The following SHMT1 variants were observed in gnomAD, a reference collection of about 807,000 sequenced individuals.
The protein encoded by SHMT1 is serine hydroxymethyltransferase 1.
Under a neutral mutation model 49.0 loss-of-function variants are expected in SHMT1, and 45 were observed. The observed-to-expected ratio is 0.92, with a 90% CI of 0.72 to 1.18. SHMT1 has a LOEUF of 1.18. SHMT1 is among the 50% of genes most tolerant of loss of function. The pLI is 0.00. For missense variants in SHMT1, 541 were observed against 612.4 expected (o/e 0.88, Z 1.23); for synonymous variants, 232 against 246.6 (o/e 0.94, Z 0.55).
intron 10 of SHMT1, among the ~76,000 whole-genome samples, chr17:18,330,167 A>G (rs1420346226): frequency 7.2e-6 from 1 of 139,454 alleles, no homozygotes. Context: ...ACAGAGTCTC[A>G]TTCTGTTGCT....
chr17:18,345,010 C>G (rs925025925), intron 5 of SHMT1, among the ~76,000 whole-genome samples: 2 of 152,146 alleles, frequency 1.3e-5, no homozygotes, highest in African/African-American at 4.8e-5. Flanking sequence ...TGGAGGTGAG[C>G]TGCCTCTGGC....
Position 18,328,557 on chromosome 17 carries a change from A to C in SHMT1, c.*193T>G. 1.6e-6 allele frequency: 1 copy of C among 611,272 alleles called. No homozygotes were observed. Among genetic ancestry groups the C allele is most frequent in the Admixed American group, 3.0e-5 (1 of 33,858 alleles). 37.9% of individuals were successfully genotyped at this position (611,272 alleles called of 1,614,324 possible). A position where few individuals can be genotyped will look rare whatever the true frequency, so the allele number is the denominator to read the frequency against. ...TAAATCCTTTAATAACCTGTCCCAGAATTACTAACAATGAGACTTAAACAA... is the reference window on the plus strand; with the variant it reads ...TAAATCCTTTAATAACCTGTCCCAGCATTACTAACAATGAGACTTAAACAA... On this transcript the variant is annotated 3_prime_UTR_variant, in exon 12 of 12. Transcript: ENST00000316694.
chr17:18,334,400 CT>C (rs993596428), intron 8 of SHMT1, among the ~76,000 whole-genome samples: 35 of 152,326 alleles, frequency 2.3e-4, no homozygotes, highest in African/African-American at 8.4e-4. Context: ...ATATGCTTCT[CT>C]CTGAGGAACT....
chr17:18,334,085 C>T (rs561137487), intron 8 of SHMT1, among the ~76,000 whole-genome samples: 5 of 152,256 alleles, frequency 3.3e-5, no homozygotes, highest in South Asian at 2.1e-4. Context: ...ACTACAGGCA[C>T]GTGCCACCAC....
chr17:18,352,125 G>A (rs1985772614), intron 3 of SHMT1, among the ~76,000 whole-genome samples: 2 of 149,798 alleles, frequency 1.3e-5, no homozygotes, highest in African/African-American at 2.5e-5. Flanking sequence ...GATTACAGGG[G>A]TGAGCCACTA....
At position 18,329,256 on chromosome 17, in the gene SHMT1, A is replaced by C. The variant is rs756326883; in HGVS notation, c.1282+22T>G. 3 of 1,538,176 alleles carry C rather than the reference A, an allele frequency of 2.0e-6. No individual in the cohort carries two copies. The South Asian group carries it at 3.4e-5, about 17-fold the overall frequency. The stretch of plus-strand genomic sequence containing the variant: ...TAAATACACACAATAAGATGTGGCA[A>C]CTTCCAAACTTTTATCCTTACCTCT... On this transcript the variant is annotated intron_variant, in intron 11 of 11. Transcript: ENST00000316694.
chr17:18,347,568 C>G lies in SHMT1; in HGVS notation c.447G>C (p.Leu149=), dbSNP rs1985217782. ...MGLDLPDGGH[L]THGFMTDKKK... ...TCTTGTCTGTCATGAACCCATGGGT[C>G]AGGTGGCCCCCATCCGGAAGGTCCA... is the stretch of plus-strand genomic sequence containing the variant. Residue 149 remains leucine (L), a synonymous_variant, in exon 5 of 12, where the codon CTG becomes CTC. Transcript: ENST00000316694. The G allele has an allele frequency of 6.2e-7, 1 of 1,614,056 alleles. No homozygotes were observed. Among genetic ancestry groups the G allele is most frequent in the Admixed American group, 1.7e-5 (1 of 59,982 alleles).
intron 1 of SHMT1, among the ~76,000 whole-genome samples, chr17:18,362,021 C>G (rs959548527): frequency 6.6e-6 from 1 of 152,200 alleles, no homozygotes; most frequent in African/African-American, 2.4e-5. Context: ...CAAATCTTAC[C>G]TGGGCCTCTG....
Position 18,340,589 on chromosome 17 carries a change from A to G in SHMT1, c.601+143T>C. On this transcript the variant is annotated intron_variant, in intron 6 of 11. Transcript: ENST00000316694. This position sits in a 1 kb window ranked among gnomAD's most constrained non-coding sequence, Gnocchi z 4.5. The stretch of plus-strand genomic sequence containing the variant: ...ACACATCTGTATCCTGAAAGAAACT[A>G]ATATATGTAGACCCCAGAAACTCAG... The G allele has an allele frequency of 1.3e-6, 1 of 756,300 alleles. No individual in the cohort carries two copies. Among genetic ancestry groups the G allele is most frequent in the Non-Finnish European group, 2.3e-6 (1 of 429,334 alleles). The allele number at this position is 756,300 out of a possible 1,614,324, so 46.8% of individuals were successfully genotyped here.
chr17:18,356,253 A>C (rs1343407237), intron 1 of SHMT1, among the ~76,000 whole-genome samples: 1 of 151,954 alleles, frequency 6.6e-6, no homozygotes, highest in Non-Finnish European at 1.5e-5. Flanking sequence ...TGTGTTAGCC[A>C]GGATGGTCTC....
chr17:18,333,145 G>C, intron 9 of SHMT1, 21 bp downstream of exon 9: 1 of 1,613,732 alleles, frequency 6.2e-7, no homozygotes, highest in Non-Finnish European at 8.5e-7. Context: ...CAGGCCTGCT[G>C]AACACCATCT....
At chr17:18,334,507 C>G (rs958881716) in intron 8 of SHMT1, among the ~76,000 whole-genome samples, 1 of 152,220 alleles carries the variant, frequency 6.6e-6, no homozygotes. Context: ...CCTTTTTAAT[C>G]TTGATGTGTG....
In SHMT1 at chr17:18,347,495, C is replaced by T. The variant is rs948519559; in HGVS notation, c.519+1G>A. 1.9e-6 allele frequency: 3 copies of T among 1,613,892 alleles called. No individual in the cohort carries two copies. Among genetic ancestry groups the T allele is most frequent in the African/African-American group, 2.7e-5 (2 of 74,940 alleles). On this transcript the variant is annotated splice_donor_variant, in intron 5 of 11. Transcript: ENST00000316694. LOFTEE classifies it high-confidence loss of function. ...AAGCTAGGAGAGAAACACATGCTTA[C>T]CTTGTAGGGCATAGATTCAAAGAAG...
chr17:18,331,274 C>T, intron 9 of SHMT1: 2 of 188,426 alleles, frequency 1.1e-5, no homozygotes, highest in Non-Finnish European at 1.1e-5. Context: ...AGCACTGGGG[C>T]CTCTGCTTCT....
rs761750360 is a variant in SHMT1 at position 18,328,743 on chromosome 17, C to T, written c.*7G>A. ...GCGCCAGGTGGGTCCAGAGTGGGCC[C>T]GCTCCTTTAGAAGTCAGGCAGGCCA... On this transcript the variant is annotated 3_prime_UTR_variant, in exon 12 of 12. Transcript: ENST00000316694. 8.3e-6 allele frequency: 13 copies of T among 1,559,068 alleles called. No homozygotes were observed. The highest frequency in any genetic ancestry group is 3.8e-5 in the Admixed American group (2 of 52,396).
intron 7 of SHMT1, among the ~76,000 whole-genome samples, chr17:18,336,630 C>T (rs1318985027): frequency 6.6e-6 from 1 of 151,918 alleles, no homozygotes; most frequent in African/African-American, 2.4e-5. Flanking sequence ...TGCACCACTG[C>T]ACTCCAGCCT....
intron 7 of SHMT1, among the ~76,000 whole-genome samples, chr17:18,339,645 C>G (rs1984263359): frequency 6.6e-6 from 1 of 152,060 alleles, no homozygotes; most frequent in South Asian, 2.1e-4. Context: ...ACTGCAAGCT[C>G]CACCTCCCAG....
chr17:18,347,702 T>C, intron 4 of SHMT1, 46 bp from the exon 5 acceptor site: 1 of 1,610,562 alleles, frequency 6.2e-7, no homozygotes, highest in Non-Finnish European at 8.5e-7. Flanking sequence ...CTAACTGAGG[T>C]ACCAAGTGGC....
intron 5 of SHMT1, among the ~76,000 whole-genome samples, chr17:18,347,048 C>T (rs1005380026): frequency 6.6e-6 from 1 of 152,204 alleles, no homozygotes; most frequent in African/African-American, 2.4e-5. Context: ...GGTTTTGGTG[C>T]TGGAGCTGGG....
Sources: allele counts gnomAD v4.1 joint callset (sites outside exome capture counted in the v4.1 genomes callset), GRCh38; gene constraint gnomAD v4.1.1; non-coding constraint Gnocchi (gnomAD v3.1); transcripts MANE v1.5; gene names NCBI Gene and HGNC (gene_info 2026-07-23, HGNC 2026-07-21).